The following TBC1D32 variants were observed in gnomAD, a reference collection of about 807,000 sequenced individuals.
TBC1D32 encodes TBC1 domain family member 32.
In TBC1D32, 151 loss-of-function variants were observed where a neutral mutation model predicts 170.3. The ratio of observed to expected loss-of-function variants is 0.89; its 90% CI spans 0.78 to 1.01. The LOEUF is 1.01. Among genes scored for constraint, TBC1D32 ranks in the 50% least tolerant of loss-of-function variants. TBC1D32 has a pLI of 0.00. For synonymous variants in TBC1D32, 498 were observed against 488.0 expected, an observed-to-expected ratio of 1.02 and a Z score of -0.27; for missense variants, 1,464 against 1,457.1, an observed-to-expected ratio of 1.00 and a Z score of -0.08.
chr6:121,317,600 T>C lies in TBC1D32; in HGVS notation c.390A>G (p.Glu130=), dbSNP rs201688138. The C allele has an allele frequency of 1.1e-4, 182 of 1,612,846 alleles. 2 individuals carry two copies. The East Asian group carries it at 1.3e-3, about 11-fold the overall frequency. The change falls in exon 3 of 32, where the codon GAA becomes GAG. Residue 130 remains glutamate (E), a synonymous_variant. Coordinates refer to ENST00000398212, the MANE Select transcript of TBC1D32 (RefSeq NM_152730.6). ...TTTCTTGATTTCGTGTCTCATCTTC[T>C]TCAAACTTGTTAATCATAGACTCGA... is the stretch of plus-strand genomic sequence containing the variant. ...AVVESMINKF[E]EDETRNQERQ...
chr6:121,208,041 T>C (rs577981564), intron 21 of TBC1D32, among the ~76,000 whole-genome samples: 1 of 151,272 alleles, frequency 6.6e-6, no homozygotes, highest in African/African-American at 2.4e-5. Flanking sequence ...CATGGAAAAG[T>C]AGAGGAAAAG....
rs1330542801 is a variant in TBC1D32, at chr6:121,122,811, CAT to C, written c.2983+3565_2983+3566del. Among the ~76,000 whole-genome samples, 7 of 152,078 alleles carry C rather than the reference CAT, an allele frequency of 4.6e-5. No individual in the cohort carries two copies. In the East Asian group the frequency reaches 9.7e-4, roughly 21 times the overall value. On this transcript the variant is annotated intron_variant, in intron 26 of 31. Coordinates refer to ENST00000398212, the MANE Select transcript of TBC1D32 (RefSeq NM_152730.6). ...AGGATAATTTGTTGCATAATGAACACATGTGTGTCTGGGACAGGGGGTAGTTG... is the reference window on the plus strand; with the variant it reads ...AGGATAATTTGTTGCATAATGAACACGTGTGTCTGGGACAGGGGGTAGTTG...
chr6:121,277,728 A>T (rs1563202369), intron 15 of TBC1D32, among the ~76,000 whole-genome samples: 1 of 151,746 alleles, frequency 6.6e-6, no homozygotes, highest in African/African-American at 2.4e-5. Context: ...AGGAAGAGAA[A>T]ATTAAATCCA....
intron 15 of TBC1D32, among the ~76,000 whole-genome samples, chr6:121,261,998 T>C (rs1242816310): frequency 1.3e-5 from 2 of 152,038 alleles, no homozygotes; most frequent in Middle Eastern, 3.2e-3. Context: ...TACACAAGAA[T>C]CAATAGCCAA....
At chr6:121,104,632 T>C (rs1407916155) in intron 30 of TBC1D32, among the ~76,000 whole-genome samples, 3 of 151,690 alleles carry the variant, frequency 2.0e-5, no homozygotes, top group African/African-American at 7.2e-5. Flanking sequence ...TAAAAAGATA[T>C]ATATTTAGTA....
intron 29 of TBC1D32, among the ~76,000 whole-genome samples, chr6:121,108,632 T>C (rs73768908): frequency 0.032 from 4,905 of 152,166 alleles, 269 homozygotes; most frequent in African/African-American, 0.11. Flanking sequence ...TATATTACTT[T>C]AGTGATTAAT....
At chr6:121,162,892 G>C (rs1410154881) in intron 22 of TBC1D32, 1 of 109,784 alleles carries the variant, frequency 9.1e-6, no homozygotes, top group Non-Finnish European at 2.0e-5. Flanking sequence ...GAAGCAGGGC[G>C]AGGCATTGCC....
At chr6:121,105,996 G>A (rs1426319895) in intron 30 of TBC1D32, 27 bp downstream of exon 30, 1 of 1,558,178 alleles carries the variant, frequency 6.4e-7, no homozygotes, top group Admixed American at 1.7e-5. Context: ...AAAGGAGTTG[G>A]AGAAATGCTA....
chr6:121,258,190 T>C (rs1799295545), intron 15 of TBC1D32, among the ~76,000 whole-genome samples: 1 of 152,174 alleles, frequency 6.6e-6, no homozygotes, highest in South Asian at 2.1e-4. Context: ...CTGTTATAAT[T>C]ATGTATAATA....
At chr6:121,280,302 G>C (rs1039439314) in intron 14 of TBC1D32, among the ~76,000 whole-genome samples, 1 of 151,338 alleles carries the variant, frequency 6.6e-6, no homozygotes, top group Non-Finnish European at 1.5e-5. Context: ...GGTCTGTCTT[G>C]CCTATTACAG....
At chr6:121,218,674 T>C (rs540644234) in intron 21 of TBC1D32, among the ~76,000 whole-genome samples, 2 of 152,274 alleles carry the variant, frequency 1.3e-5, no homozygotes, top group South Asian at 4.1e-4. Flanking sequence ...GATATATATA[T>C]AGATACATAG....
chr6:121,318,194 TCAA>T (rs1203536390), intron 2 of TBC1D32, among the ~76,000 whole-genome samples: 2 of 152,082 alleles, frequency 1.3e-5, no homozygotes, highest in African/African-American at 4.8e-5. Context: ...AGTTAAGCTA[TCAA>T]CGTGTCCTTT....
intron 22 of TBC1D32, among the ~76,000 whole-genome samples, chr6:121,181,106 T>A (rs1788447708): frequency 6.6e-6 from 1 of 152,082 alleles, no homozygotes; most frequent in Non-Finnish European, 1.5e-5. Context: ...CTGGTGAGGA[T>A]GCAGAGAAAG....
intron 1 of TBC1D32, among the ~76,000 whole-genome samples, chr6:121,323,641 T>C (rs915901027): frequency 6.6e-6 from 1 of 152,174 alleles, no homozygotes; most frequent in Non-Finnish European, 1.5e-5. Flanking sequence ...TTGATCTTCA[T>C]ATGAGAAAGC....
chr6:121,317,723 C>T, intron 2 of TBC1D32, 51 bp from the exon 3 acceptor site: 4 of 1,311,234 alleles, frequency 3.1e-6, no homozygotes, highest in Non-Finnish European at 4.2e-6. Context: ...GAAATTAAAA[C>T]AGTCAACTAG....
chr6:121,185,434 T>C (rs1789068353), intron 22 of TBC1D32, among the ~76,000 whole-genome samples: 1 of 152,082 alleles, frequency 6.6e-6, no homozygotes, highest in African/African-American at 2.4e-5. Flanking sequence ...ATAAACTATA[T>C]TTTAGAAAGT....
At chr6:121,102,114 C>G (rs1234959618) in intron 30 of TBC1D32, among the ~76,000 whole-genome samples, 1 of 152,098 alleles carries the variant, frequency 6.6e-6, no homozygotes, top group Non-Finnish European at 1.5e-5. Context: ...AAAGAACATT[C>G]CATGCTCATG....
At chr6:121,230,666 C>G (rs1385723346) in intron 20 of TBC1D32, among the ~76,000 whole-genome samples, 2 of 150,430 alleles carry the variant, frequency 1.3e-5, no homozygotes, top group Non-Finnish European at 3.0e-5. Flanking sequence ...TACATATATA[C>G]ACACACGTGT....
intron 1 of TBC1D32, among the ~76,000 whole-genome samples, chr6:121,325,184 C>A (rs1420059902): frequency 1.3e-5 from 2 of 150,592 alleles, no homozygotes; most frequent in Non-Finnish European, 3.0e-5. Context: ...TACACTCCAG[C>A]CTGGGTGACA....
Sources: gnomAD v4.1 joint callset for allele counts (sites outside exome capture counted in the v4.1 genomes callset) on GRCh38, gnomAD v4.1.1 for gene constraint, MANE v1.5 for transcripts, NCBI Gene and HGNC (gene_info 2026-07-23, HGNC 2026-07-21) for gene names.